Variants in FGD5 observed in about 807,000 individuals in gnomAD.
FGD5 encodes FYVE, RhoGEF and PH domain containing 5, also known as FYVE, RhoGEF and PH domain-containing protein 5.
In FGD5, 28 loss-of-function variants were observed where a neutral mutation model predicts 133.4. The observed-to-expected ratio is 0.21, with a 90% CI of 0.16 to 0.29. The LOEUF is 0.29. Ranked by LOEUF, FGD5 falls within the 10% of genes least tolerant of loss-of-function variation. The probability of loss-of-function intolerance (pLI) is 1.00; values close to 1 mark genes in which losing one functional copy is unlikely to be tolerated. For missense variants in FGD5, 1,858 were observed against 1,895.2 expected, an observed-to-expected ratio of 0.98 and a Z score of 0.36; for synonymous variants, 810 against 776.5, an observed-to-expected ratio of 1.04 and a Z score of -0.72.
intron 4 of FGD5, among the ~76,000 whole-genome samples, chr3:14,894,372 G>A (rs1261245597): frequency 1.3e-5 from 2 of 152,086 alleles, no homozygotes; most frequent in African/African-American, 4.8e-5. Flanking sequence ...GTGTACTTAG[G>A]TTGAATCCAT....
intron 4 of FGD5, among the ~76,000 whole-genome samples, chr3:14,891,457 C>CT (rs1012326065): frequency 1.6e-4 from 25 of 152,228 alleles, no homozygotes; most frequent in Admixed American, 7.9e-4. Flanking sequence ...CTCATAGGAA[C>CT]ACACATACCT....
chr3:14,916,693 G>C (rs144579281), intron 11 of FGD5, among the ~76,000 whole-genome samples: 4 of 152,192 alleles, frequency 2.6e-5, no homozygotes, highest in Non-Finnish European at 5.9e-5. Flanking sequence ...CTCTGTGCCC[G>C]TTTGGAGTTC....
At chr3:14,851,485 T>A (rs1203975316) in intron 1 of FGD5, among the ~76,000 whole-genome samples, 1 of 152,198 alleles carries the variant, frequency 6.6e-6, no homozygotes, top group Non-Finnish European at 1.5e-5. Flanking sequence ...AGCCAGTGGT[T>A]ATGGCTAGGC....
At chr3:14,814,564 G>A (rs2036341933), upstream of FGD5, among the ~76,000 whole-genome samples, 1 of 152,044 alleles carries the variant, frequency 6.6e-6, no homozygotes, top group African/African-American at 2.4e-5. Context: ...TGCTGGCTGG[G>A]GCCCCCAGAG....
rs780469962 is a variant in FGD5, at chr3:14,821,176, A to G, written c.2105A>G (p.Asn702Ser). Reference protein sequence around the residue: ...ILEVDRRSLSNSPQLKSRTGK... With the variant: ...ILEVDRRSLSSSPQLKSRTGK... Reference sequence around the variant, plus strand: ...GAAGTTGACCGGAGAAGCCTCAGCAACTCCCCTCAGCTTAAGTCTCGGACT... The same window carrying G: ...GAAGTTGACCGGAGAAGCCTCAGCAGCTCCCCTCAGCTTAAGTCTCGGACT... Residue 702 changes from asparagine to serine, a missense_variant, in exon 1 of 20, where the codon AAC becomes AGC. Asn to Ser is a conservative substitution (Grantham distance 46). Around this residue, in one of 3 missense-constraint regions of FGD5, gnomAD observed 1,824 missense variants for 1,848.9 expected, o/e 0.99. Transcript: ENST00000285046. 1.5e-4 allele frequency: 238 copies of G among 1,613,212 alleles called. No individual in the cohort carries two copies. The highest frequency in any genetic ancestry group is 2.0e-4 in the Non-Finnish European group (231 of 1,179,716).
At chr3:14,900,553 C>A in intron 8 of FGD5, 100 bp downstream of exon 8, 1 of 1,352,582 alleles carries the variant, frequency 7.4e-7, no homozygotes, top group South Asian at 1.2e-5. Flanking sequence ...AGGATATAGT[C>A]CCCTCCCCAC....
intron 4 of FGD5, among the ~76,000 whole-genome samples, chr3:14,883,530 A>G (rs1351082487): frequency 1.3e-5 from 2 of 152,148 alleles, no homozygotes; most frequent in African/African-American, 4.8e-5. Flanking sequence ...CTACCCACCT[A>G]TCCAACCATC....
Position 14,819,014 on chromosome 3 carries a change from G to A in FGD5, c.-58G>A, listed in dbSNP as rs115005430. The A allele has an allele frequency of 0.011, 16,180 of 1,484,954 alleles. 105 individuals are homozygous for A. Among genetic ancestry groups the A allele is most frequent in the Non-Finnish European group, 0.013 (14,467 of 1,116,030 alleles). 92.0% of individuals were successfully genotyped at this position (1,484,954 alleles called of 1,614,324 possible). On this transcript the variant is annotated 5_prime_UTR_variant, in exon 1 of 20. Transcript: ENST00000285046. This position sits in a 1 kb window ranked among gnomAD's most constrained non-coding sequence, Gnocchi z 4.1. ...AGACTACCAGTCCACTGACGCCAGT[G>A]ACCGCGCCCAAATTCCCTTCCTCAG...
chr3:14,857,264 C>T (rs866189710), intron 1 of FGD5, among the ~76,000 whole-genome samples: 1 of 152,210 alleles, frequency 6.6e-6, no homozygotes, highest in Middle Eastern at 3.4e-3. Context: ...AATTCTCCTG[C>T]CTCAGCCTCC....
At chr3:14,816,274 A>G (rs1002397441), upstream of FGD5, among the ~76,000 whole-genome samples, 1 of 152,174 alleles carries the variant, frequency 6.6e-6, no homozygotes, top group African/African-American at 2.4e-5. Flanking sequence ...ATAAGAAATG[A>G]GAGTCCCACC....
In FGD5 at chr3:14,862,206, C is replaced by T. The variant is rs149359287; in HGVS notation, c.2526-1922C>T. 3.4e-3 allele frequency among the ~76,000 whole-genome samples: 514 copies of T among 152,252 alleles called. 5 individuals are homozygous for T. The highest frequency in any genetic ancestry group is 1.6e-3 in the Non-Finnish European group (108 of 68,018). On this transcript the variant is annotated intron_variant, in intron 1 of 19. Coordinates refer to ENST00000285046, the MANE Select transcript of FGD5 (RefSeq NM_152536.4). ...TAGGAGTGCTGCTAACTGCTGCATC[C>T]CTCATCCTTACTGCTTATCCTGGAT... is the stretch of plus-strand genomic sequence containing the variant.
At chr3:14,918,636 AGGCTAGAGAAC>A in intron 12 of FGD5, 107 bp from the exon 13 acceptor site, 1 of 970,310 alleles carries the variant, frequency 1.0e-6, no homozygotes, top group Non-Finnish European at 1.6e-6. Flanking sequence ...GTATGCCCTG[AGGCTAGAGAAC>A]GGCAGTAGGT....
intron 1 of FGD5, among the ~76,000 whole-genome samples, chr3:14,849,638 T>A (rs1446993427): frequency 6.6e-6 from 1 of 152,168 alleles, no homozygotes; most frequent in Non-Finnish European, 1.5e-5. Context: ...TGGGACGTGC[T>A]CAGCTCAGTG....
intron 1 of FGD5, among the ~76,000 whole-genome samples, chr3:14,846,139 C>T (rs941314423): frequency 2.0e-5 from 3 of 152,168 alleles, no homozygotes; most frequent in Admixed American, 6.5e-5. Flanking sequence ...GCACACCTGT[C>T]GTGTTAATTG....
intron 9 of FGD5, among the ~76,000 whole-genome samples, chr3:14,907,228 C>G (rs1265280401): frequency 6.6e-6 from 1 of 152,206 alleles, no homozygotes; most frequent in South Asian, 2.1e-4. Context: ...TTTCTAACCA[C>G]GAGGCTCCAC....
intron 4 of FGD5, among the ~76,000 whole-genome samples, chr3:14,893,618 G>A (rs1245004869): frequency 6.6e-6 from 1 of 152,136 alleles, no homozygotes; most frequent in Non-Finnish European, 1.5e-5. Flanking sequence ...AAAGTGCTGG[G>A]ATTATAGGTG....
rs1021433721 is a variant in FGD5 at position 14,917,495 on chromosome 3, G to A, written c.3489+163G>A. Among the ~76,000 whole-genome samples the A allele has an allele frequency of 6.6e-6, 1 of 152,138 alleles. No homozygotes were observed. Among genetic ancestry groups the A allele is most frequent in the African/African-American group, 2.4e-5 (1 of 41,422 alleles). Reference sequence around the variant, plus strand: ...AAGTTTGTGCTGTAAGTTGCCCAGGGAAAGGGGAGGGGGATGGAGGGCTTC... The same window carrying A: ...AAGTTTGTGCTGTAAGTTGCCCAGGAAAAGGGGAGGGGGATGGAGGGCTTC... On this transcript the variant is annotated intron_variant, in intron 12 of 19. Transcript: ENST00000285046. The surrounding 1 kb of genome is among the most constrained non-coding windows in gnomAD (Gnocchi z 4.1).
chr3:14,864,350 C>T (rs1478754961), intron 2 of FGD5, 90 bp downstream of exon 2: 37 of 1,582,676 alleles, frequency 2.3e-5, no homozygotes, highest in Non-Finnish European at 2.2e-5. Context: ...TTGGTGCGGA[C>T]GGAGCTGTTT....
chr3:14,834,297 G>T (rs1373929226), intron 1 of FGD5, among the ~76,000 whole-genome samples: 2 of 152,190 alleles, frequency 1.3e-5, no homozygotes, highest in Non-Finnish European at 2.9e-5. Context: ...TACTAGCTGT[G>T]TGTCCTTGGG....
Sources: gnomAD v4.1 joint callset for allele counts (sites outside exome capture counted in the v4.1 genomes callset) on GRCh38, gnomAD v4.1.1 for gene constraint, gnomAD v4.1.1 regional missense constraint, Gnocchi (gnomAD v3.1) non-coding constraint, MANE v1.5 for transcripts, NCBI Gene and HGNC (gene_info 2026-07-23, HGNC 2026-07-21) for gene names.